The following MEIS1 variants were observed in gnomAD, a reference collection of about 807,000 sequenced individuals.
The protein encoded by MEIS1 is homeobox protein Meis1.
A neutral mutation model predicts 50.8 loss-of-function variants in MEIS1; 5 were observed. The ratio of observed to expected loss-of-function variants is 0.10; its 90% CI spans 0.05 to 0.21. MEIS1 has a LOEUF of 0.21. MEIS1 is among the 10% of genes least tolerant of loss of function. MEIS1 has a pLI of 1.00. For missense variants in MEIS1, 318 were observed against 517.3 expected (o/e 0.61, Z 3.74); for synonymous variants, 176 against 179.3 (o/e 0.98, Z 0.15).
At chr2:66,510,065 C>T (rs1256174348) in intron 7 of MEIS1, among the ~76,000 whole-genome samples, 1 of 152,004 alleles carries the variant, frequency 6.6e-6, no homozygotes, top group African/African-American at 2.4e-5. Context: ...ATGATCAGGT[C>T]GTATGTGTCT....
intron 8 of MEIS1, among the ~76,000 whole-genome samples, chr2:66,541,106 C>T (rs1452897877): frequency 2.0e-5 from 3 of 151,722 alleles, no homozygotes; most frequent in East Asian, 1.9e-4. Flanking sequence ...GGCGCAATCT[C>T]GGCTCATTGC....
At chr2:66,512,513 A>G (rs567789437) in intron 8 of MEIS1, among the ~76,000 whole-genome samples, 1 of 152,324 alleles carries the variant, frequency 6.6e-6, no homozygotes, top group Non-Finnish European at 1.5e-5. Flanking sequence ...GTTAACTTTC[A>G]TAAGTTAAAA....
intron 8 of MEIS1, among the ~76,000 whole-genome samples, chr2:66,536,878 T>TTCTC (rs147183784): frequency 3.3e-5 from 5 of 150,520 alleles, no homozygotes; most frequent in Admixed American, 6.6e-5. Context: ...TTAAAGTGCA[T>TTCTC]TCTCTCTCTC....
intron 1 of MEIS1, 184 bp from the exon 2 acceptor site, chr2:66,437,553 C>T: frequency 3.2e-6 from 2 of 617,140 alleles, no homozygotes; most frequent in Non-Finnish European, 5.8e-6. Context: ...GCTGAGAATT[C>T]TGTATTTTTT....
At chr2:66,507,053 A>AC (rs2103842602) in intron 7 of MEIS1, among the ~76,000 whole-genome samples, 1 of 152,286 alleles carries the variant, frequency 6.6e-6, no homozygotes, top group African/African-American at 2.4e-5. Flanking sequence ...GAAAAAAGAA[A>AC]CCTTCATGTT....
chr2:66,497,698 C>T (rs1405534577), intron 7 of MEIS1, among the ~76,000 whole-genome samples: 1 of 152,094 alleles, frequency 6.6e-6, no homozygotes, highest in Non-Finnish European at 1.5e-5. Context: ...ACTTCGAGAG[C>T]AGCCCAGGCA....
intron 7 of MEIS1, among the ~76,000 whole-genome samples, chr2:66,485,663 A>G (rs983277644): frequency 6.6e-6 from 1 of 152,238 alleles, no homozygotes; most frequent in Non-Finnish European, 1.5e-5. Flanking sequence ...TAGATCCTTG[A>G]GGAATCACCA....
chr2:66,467,804 C>T (rs535254675), intron 7 of MEIS1, among the ~76,000 whole-genome samples: 14 of 152,034 alleles, frequency 9.2e-5, no homozygotes, highest in African/African-American at 3.1e-4. Context: ...ACTTGTGGCC[C>T]CTTGCAGGAG....
chr2:66,532,524 A>C (rs1006940833), intron 8 of MEIS1, among the ~76,000 whole-genome samples: 11 of 152,204 alleles, frequency 7.2e-5, no homozygotes, highest in Non-Finnish European at 1.6e-4. Flanking sequence ...TTTCCACTGC[A>C]TAAAATGTTA....
At chr2:66,487,379 TG>T (rs1399308879) in intron 7 of MEIS1, among the ~76,000 whole-genome samples, 2 of 152,186 alleles carry the variant, frequency 1.3e-5, no homozygotes, top group Non-Finnish European at 2.9e-5. Context: ...CACACATATA[TG>T]TATATATTAC....
intron 8 of MEIS1, among the ~76,000 whole-genome samples, chr2:66,522,901 A>C (rs1246223612): frequency 1.3e-5 from 2 of 152,224 alleles, no homozygotes; most frequent in Non-Finnish European, 2.9e-5. Flanking sequence ...ATTTTTGCAG[A>C]GTGCTCATGT....
chr2:66,438,157 G>A (rs762216853), intron 2 of MEIS1, among the ~76,000 whole-genome samples, 194 bp downstream of exon 2: 1 of 152,172 alleles, frequency 6.6e-6, no homozygotes, highest in African/African-American at 2.4e-5. Context: ...CACACTCTGT[G>A]CACATCCAGT....
chr2:66,457,126 G>A (rs1395367832), intron 6 of MEIS1, among the ~76,000 whole-genome samples: 1 of 148,070 alleles, frequency 6.8e-6, no homozygotes, highest in African/African-American at 2.5e-5. Flanking sequence ...TAAACTTGTT[G>A]TGGTTAAATG....
At chr2:66,457,571 T>C (rs189623364) in intron 6 of MEIS1, among the ~76,000 whole-genome samples, 1 of 152,238 alleles carries the variant, frequency 6.6e-6, no homozygotes, top group African/African-American at 2.4e-5. Flanking sequence ...GATGGTATCA[T>C]TGATTGAGGA....
intron 9 of MEIS1, among the ~76,000 whole-genome samples, chr2:66,555,860 T>C (rs1675049827): frequency 6.6e-6 from 1 of 152,182 alleles, no homozygotes; most frequent in Non-Finnish European, 1.5e-5. Context: ...GCCTCCTGGT[T>C]GAATAGAACA....
At chr2:66,542,388 G>A (rs1019019937) in intron 8 of MEIS1, among the ~76,000 whole-genome samples, 14 of 152,056 alleles carry the variant, frequency 9.2e-5, no homozygotes, top group African/African-American at 3.4e-4. Context: ...GAGGCAAAGG[G>A]CTGGAGGAAA....
At chr2:66,553,744 C>G (rs895607884) in intron 9 of MEIS1, among the ~76,000 whole-genome samples, 1 of 152,124 alleles carries the variant, frequency 6.6e-6, no homozygotes, top group African/African-American at 2.4e-5. Context: ...GAAAATGACT[C>G]TGCAGTCTGT....
chr2:66,509,368 A>C (rs1427846592), intron 7 of MEIS1, among the ~76,000 whole-genome samples: 1 of 152,216 alleles, frequency 6.6e-6, no homozygotes, highest in African/African-American at 2.4e-5. Flanking sequence ...CACTGGATTG[A>C]AAGCATTTGC....
At chr2:66,512,329 T>C (rs776707120) in intron 8 of MEIS1, 35 bp downstream of exon 8, 1 of 1,583,636 alleles carries the variant, frequency 6.3e-7, no homozygotes, top group Admixed American at 1.8e-5. Context: ...ATAAACTAAA[T>C]ATGGACAATG....
Sources: allele counts gnomAD v4.1 joint callset (sites outside exome capture counted in the v4.1 genomes callset), GRCh38; gene constraint gnomAD v4.1.1; transcripts MANE v1.5; gene names NCBI Gene and HGNC (gene_info 2026-07-23, HGNC 2026-07-21).